GAA: variants seen among roughly 807,000 people sequenced by gnomAD.
The protein encoded by GAA is alpha glucosidase, also known as lysosomal alpha-glucosidase.
Under a neutral mutation model 103.9 loss-of-function variants are expected in GAA, and 88 were observed. The ratio of observed to expected loss-of-function variants is 0.85; its 90% CI spans 0.71 to 1.01. The LOEUF is 1.01. GAA is among the 50% of genes least tolerant of loss of function. The pLI is 0.00. For synonymous variants in GAA, 572 were observed against 563.1 expected (o/e 1.02, Z -0.22); for missense variants, 1,350 against 1,305.3 (o/e 1.03, Z -0.53).
In GAA at chr17:80,104,598, G is replaced by T. The variant is rs1168255772; in HGVS notation, c.12G>T (p.Arg4Ser). ...GGCCATCTCCAACCATGGGAGTGAGGCACCCGCCCTGCTCCCACCGGCTCC... is the reference window on the plus strand; with the variant it reads ...GGCCATCTCCAACCATGGGAGTGAGTCACCCGCCCTGCTCCCACCGGCTCC... Reference protein sequence around the residue: MGVRHPPCSHRLLA... With the variant: MGVSHPPCSHRLLA... Residue 4 changes from arginine to serine, a missense_variant, in exon 2 of 20, where the codon AGG becomes AGT. By Grantham distance (110) the Arg-to-Ser change is moderately radical. Coordinates refer to ENST00000302262, the MANE Select transcript of GAA (RefSeq NM_000152.5). The surrounding 1 kb of genome is among the most constrained non-coding windows in gnomAD (Gnocchi z 4.0). The T allele has an allele frequency of 1.9e-6, 3 of 1,610,684 alleles. No homozygotes were observed. The highest frequency in any genetic ancestry group is 3.3e-5 in the Admixed American group (2 of 59,956).
intron 19 of GAA, 150 bp from the exon 20 acceptor site, chr17:80,119,122 A>T: frequency 1.1e-6 from 1 of 897,462 alleles, no homozygotes; most frequent in Non-Finnish European, 1.9e-6. Context: ...ACCGGGTGCG[A>T]AGCATCCCAG....
At chr17:80,110,670 T>C (rs542890099) in intron 9 of GAA, 57 bp from the exon 10 acceptor site, 8 of 1,481,038 alleles carry the variant, frequency 5.4e-6, no homozygotes, top group Non-Finnish European at 2.8e-6. Flanking sequence ...TCAGTGGGGC[T>C]TCCATGCAGG....
chr17:80,108,089 G>A (rs186642541), intron 5 of GAA, among the ~76,000 whole-genome samples, 193 bp downstream of exon 5: 67 of 152,332 alleles, frequency 4.4e-4, no homozygotes, highest in African/African-American at 1.5e-3. Flanking sequence ...GGCCCTGCCT[G>A]GAGGTGGGCT....
intron 1 of GAA, among the ~76,000 whole-genome samples, chr17:80,103,270 C>T (rs1377108207): frequency 2.4e-4 from 36 of 152,218 alleles, no homozygotes; most frequent in Admixed American, 2.4e-3. Flanking sequence ...TGCCTCTGCT[C>T]CAAGGCCCGT....
chr17:80,118,954 G>T (rs2039422767), intron 19 of GAA, 149 bp downstream of exon 19: 5 of 1,003,624 alleles, frequency 5.0e-6, no homozygotes, highest in Non-Finnish European at 6.0e-6. Flanking sequence ...GAAGGGTCAG[G>T]CCACACAGGC....
intron 13 of GAA, 46 bp from the exon 14 acceptor site, chr17:80,112,830 G>T: frequency 1.3e-6 from 2 of 1,591,390 alleles, no homozygotes; most frequent in Non-Finnish European, 1.7e-6. Context: ...GCCTGAGCTG[G>T]CTCTGCTGCA....
At chr17:80,106,429 C>CACGGG (rs374717918) in intron 3 of GAA, among the ~76,000 whole-genome samples, 9 of 35,978 alleles carry the variant, frequency 2.5e-4, no homozygotes, top group South Asian at 1.8e-3. Flanking sequence ...GCTGTGCAGA[C>CACGGG]GCAGGGGACA....
Position 80,104,879 on chromosome 17 carries a change from TCACCCAGGAACAGTGCGAGG to T in GAA, c.295_314del (p.Thr99ProfsTer40). 6.2e-7 allele frequency: 1 copy of T among 1,612,918 alleles called. No homozygotes were observed. Among genetic ancestry groups the T allele is most frequent in the Non-Finnish European group, 8.5e-7 (1 of 1,179,868 alleles). ...TTCGATTGCGCCCCTGACAAGGCCA[TCACCCAGGAACAGTGCGAGG>T]CCCGCGGCTGTTGCTACATCCCTGC... On this transcript the variant is annotated frameshift_variant, in exon 2 of 20. Transcript: ENST00000302262. LOFTEE classifies it high-confidence loss of function. The surrounding 1 kb of genome is among the most constrained non-coding windows in gnomAD (Gnocchi z 4.0).
chr17:80,103,529 C>T (rs1409453089), intron 1 of GAA, among the ~76,000 whole-genome samples: 1 of 152,152 alleles, frequency 6.6e-6, no homozygotes, highest in Non-Finnish European at 1.5e-5. Flanking sequence ...CTGGGAGGAG[C>T]CAGGCTAATA....
At position 80,108,817 on chromosome 17, in the gene GAA, A is replaced by G. The variant is rs959885349; in HGVS notation, c.1315A>G (p.Met439Val). The part of the protein sequence containing the change: ...QELHQGGRRY[M>V]MIVDPAISSS... ...GCTGCACCAGGGCGGCCGGCGCTAC[A>G]TGATGATCGTGGTGTGTGCCCCCAC... The change falls in exon 8 of 20, where the codon ATG (methionine) becomes GTG (valine). Residue 439 changes from methionine (M) to valine (V), a missense_variant. Transcript: ENST00000302262. 1.3e-6 allele frequency: 2 copies of G among 1,595,134 alleles called. No homozygotes were observed. The highest frequency in any genetic ancestry group is 1.7e-6 in the Non-Finnish European group (2 of 1,171,236).
rs767821988 is a variant in GAA at position 80,108,566 on chromosome 17, C to T, written c.1153C>T (p.Arg385Cys). The change falls in exon 7 of 20, where the codon CGC becomes TGC. Residue 385 changes from arginine to cysteine, a missense_variant. Arg to Cys is a radical substitution (Grantham distance 180). Transcript: ENST00000302262. ...RWGYSSTAIT[R>C]QVVENMTRAH... ...GGGCTACTCCTCCACCGCTATCACC[C>T]GCCAGGTGGTGGAGAACATGACCAG... 31 of 1,612,810 alleles carry T rather than the reference C, an allele frequency of 1.9e-5. No homozygotes were observed. The highest frequency in any genetic ancestry group is 1.8e-4 in the East Asian group (8 of 44,862).
At chr17:80,103,330 C>G (rs1455877013) in intron 1 of GAA, among the ~76,000 whole-genome samples, 1 of 152,186 alleles carries the variant, frequency 6.6e-6, no homozygotes, top group African/African-American at 2.4e-5. Flanking sequence ...TTGAGGACCT[C>G]TCTGCATCCC....
Position 80,111,000 on chromosome 17 carries a change from G to T in GAA, c.1611G>T (p.Glu537Asp), listed in dbSNP as rs2039224476. The change falls in exon 11 of 20, where the codon GAG becomes GAT. Residue 537 changes from glutamate (E) to aspartate (D), a missense_variant. By Grantham distance (45) the Glu-to-Asp change is conservative. Transcript: ENST00000302262. ...RGSEDGCPNN[E>D]LENPPYVPGV... is the part of the protein sequence containing the mutation. ...CTGAGGACGGCTGCCCCAACAATGA[G>T]CTGGAGAACCCACCCTACGTGCCTG... 6.2e-7 allele frequency: 1 copy of T among 1,613,896 alleles called. No homozygotes were observed.
intron 9 of GAA, among the ~76,000 whole-genome samples, 195 bp from the exon 10 acceptor site, chr17:80,110,532 C>T (rs2039206663): frequency 6.6e-6 from 1 of 152,238 alleles, no homozygotes; most frequent in South Asian, 2.1e-4. Flanking sequence ...AGGGTTGAGG[C>T]CCCTTGGCCC....
chr17:80,108,676 G>T (rs767932776), intron 7 of GAA, 21 bp from the exon 8 acceptor site: 6 of 1,612,834 alleles, frequency 3.7e-6, no homozygotes, highest in Non-Finnish European at 5.1e-6. Context: ...CCCAGCAGAC[G>T]GTCCCGTGTT....
At chr17:80,108,021 C>A (rs910086265) in intron 5 of GAA, 125 bp downstream of exon 5, 1 of 1,075,894 alleles carries the variant, frequency 9.3e-7, no homozygotes, top group South Asian at 1.4e-5. Context: ...GGAAATGAGT[C>A]CTATGGGCTG....
At position 80,117,008 on chromosome 17, in the gene GAA, C is replaced by T. The variant is rs1347832021; in HGVS notation, c.2230C>T (p.Leu744Phe). 6.2e-7 allele frequency: 1 copy of T among 1,613,782 alleles called. No homozygotes were observed. Among genetic ancestry groups the T allele is most frequent in the South Asian group, 1.1e-5 (1 of 91,086 alleles). The change falls in exon 16 of 20, where the codon CTC becomes TTC. Residue 744 changes from leucine (L) to phenylalanine (F), a missense_variant. Coordinates refer to ENST00000302262, the MANE Select transcript of GAA (RefSeq NM_000152.5). ...TAGCACCTGGACTGTGGACCACCAG[C>T]TCCTGTGGGGGGAGGCCCTGCTCAT... ...DSSTWTVDHQLLWGEALLITP... is the reference protein window; with the variant it reads ...DSSTWTVDHQFLWGEALLITP...
At position 80,110,841 on chromosome 17, in the gene GAA, G is replaced by GT; in HGVS notation, c.1551+2dup. 1 of 1,614,058 alleles carries GT rather than the reference G, an allele frequency of 6.2e-7. No homozygotes were observed. Among genetic ancestry groups the GT allele is most frequent in the Non-Finnish European group, 8.5e-7 (1 of 1,179,958 alleles). ...GGTGCCCTTCGACGGCATGTGGATT[G>GT]TAAGTGTGGCCCCCTCCTGAGCATC... On this transcript the variant is annotated splice_donor_variant, in intron 10 of 19. Coordinates refer to ENST00000302262, the MANE Select transcript of GAA (RefSeq NM_000152.5). LOFTEE classifies it high-confidence loss of function.
chr17:80,112,429 C>T (rs543358927), intron 12 of GAA, 149 bp from the exon 13 acceptor site: 13 of 1,008,482 alleles, frequency 1.3e-5, no homozygotes, highest in South Asian at 3.0e-5. Flanking sequence ...CAACTGTGCC[C>T]GCAGACATGG....
Sources: gnomAD v4.1 joint callset for allele counts (sites outside exome capture counted in the v4.1 genomes callset) on GRCh38, gnomAD v4.1.1 for gene constraint, Gnocchi (gnomAD v3.1) non-coding constraint, MANE v1.5 for transcripts, NCBI Gene and HGNC (gene_info 2026-07-23, HGNC 2026-07-21) for gene names.